The following RYR3 variants were observed in gnomAD, a reference collection of about 807,000 sequenced individuals.
The protein encoded by RYR3 is ryanodine receptor 3, also known as brain ryanodine receptor-calcium release channel.
RYR3 carries 207 observed loss-of-function variants against 584.3 expected under a neutral mutation model. The ratio of observed to expected loss-of-function variants is 0.35; its 90% CI spans 0.32 to 0.40. The LOEUF is 0.40. Among genes scored for constraint, RYR3 ranks in the 10% least tolerant of loss-of-function variants. The pLI is 1.00. For missense variants in RYR3, 5,616 were observed against 6,089.2 expected (o/e 0.92, Z 2.59); for synonymous variants, 2,416 against 2,248.5 (o/e 1.07, Z -2.11).
At chr15:33,460,602 A>G (rs1596241356) in intron 1 of RYR3, among the ~76,000 whole-genome samples, 2 of 152,222 alleles carry the variant, frequency 1.3e-5, no homozygotes, top group East Asian at 3.8e-4. Context: ...CTAGCACTGC[A>G]TGGTGTGTAA....
intron 67 of RYR3, among the ~76,000 whole-genome samples, chr15:33,794,801 C>G (rs2075494030): frequency 6.6e-6 from 1 of 152,166 alleles, no homozygotes; most frequent in Non-Finnish European, 1.5e-5. Flanking sequence ...AAAAAATTAG[C>G]TGGCTTTGAA....
At chr15:33,458,459 G>A (rs571059614) in intron 1 of RYR3, among the ~76,000 whole-genome samples, 170 of 152,294 alleles carry the variant, frequency 1.1e-3, no homozygotes, top group Non-Finnish European at 2.1e-3. Context: ...AGGCCACGTC[G>A]TGGGACTTCT....
chr15:33,658,154 C>A (rs1410839480), intron 32 of RYR3, among the ~76,000 whole-genome samples: 2 of 152,204 alleles, frequency 1.3e-5, no homozygotes, highest in Non-Finnish European at 2.9e-5. Flanking sequence ...AGTCCAGGGT[C>A]TCACAAGGAT....
At chr15:33,397,500 A>G (rs1319868355) in intron 1 of RYR3, among the ~76,000 whole-genome samples, 1 of 152,216 alleles carries the variant, frequency 6.6e-6, no homozygotes. Context: ...GTGCATGGTC[A>G]GTGGTCTCTT....
chr15:33,631,060 A>G (rs1489939036), intron 22 of RYR3, 150 bp from the exon 23 acceptor site: 3 of 560,790 alleles, frequency 5.3e-6, no homozygotes, highest in African/African-American at 3.8e-5. Flanking sequence ...AGCCTAAGGC[A>G]TTTACTCTGT....
intron 16 of RYR3, among the ~76,000 whole-genome samples, chr15:33,590,204 A>T (rs1003573723): frequency 6.6e-6 from 1 of 152,166 alleles, no homozygotes; most frequent in Admixed American, 6.5e-5. Flanking sequence ...GTGGAATGTC[A>T]TCGGTTAAGG....
chr15:33,769,575 G>T (rs12442428), intron 62 of RYR3, among the ~76,000 whole-genome samples: 1 of 151,970 alleles, frequency 6.6e-6, no homozygotes, highest in Non-Finnish European at 1.5e-5. Context: ...AGACAAAGAC[G>T]TTGATGCCAT....
At position 33,566,928 on chromosome 15, in the gene RYR3, A is replaced by T. The variant is rs555128251; in HGVS notation, c.1268+129A>T. ...TGATACACCAGCAAAGAGTTTTACCATCAAGAGCTTGAGACTGAAACATAT... is the reference window on the plus strand; with the variant it reads ...TGATACACCAGCAAAGAGTTTTACCTTCAAGAGCTTGAGACTGAAACATAT... On this transcript the variant is annotated intron_variant, in intron 12 of 103. Transcript: ENST00000634891. 8 of 1,069,282 alleles carry T rather than the reference A, an allele frequency of 7.5e-6. No homozygotes were observed. The African/African-American group carries it at 1.1e-4, about 15-fold the overall frequency. 66.2% of individuals were successfully genotyped at this position (1,069,282 alleles called of 1,614,324 possible).
At chr15:33,498,233 T>C (rs56059748) in intron 2 of RYR3, among the ~76,000 whole-genome samples, 3,203 of 152,290 alleles carry the variant, frequency 0.021, 57 homozygotes, top group Non-Finnish European at 0.031. Context: ...TGCTGGATCA[T>C]ATGGTAGTTG....
chr15:33,387,189 C>T (rs531648006), intron 1 of RYR3, among the ~76,000 whole-genome samples: 1 of 152,132 alleles, frequency 6.6e-6, no homozygotes, highest in Non-Finnish European at 1.5e-5. Flanking sequence ...GAGTAATACT[C>T]CCTTGTATGT....
At chr15:33,468,832 GA>G (rs2048691225) in intron 1 of RYR3, among the ~76,000 whole-genome samples, 1 of 152,148 alleles carries the variant, frequency 6.6e-6, no homozygotes, top group Admixed American at 6.5e-5. Flanking sequence ...AAGTCAGCTG[GA>G]AGTAGTGGTA....
chr15:33,553,689 A>G (rs1348581401), intron 10 of RYR3, among the ~76,000 whole-genome samples: 1 of 152,172 alleles, frequency 6.6e-6, no homozygotes, highest in Non-Finnish European at 1.5e-5. Context: ...AGGATGTAGT[A>G]TTACTTCCAA....
intron 1 of RYR3, among the ~76,000 whole-genome samples, chr15:33,332,393 C>T (rs1970467459): frequency 6.6e-6 from 1 of 151,992 alleles, no homozygotes; most frequent in Admixed American, 6.6e-5. Flanking sequence ...GAAATGTTAA[C>T]ACTTATCTCA....
intron 1 of RYR3, among the ~76,000 whole-genome samples, chr15:33,334,783 A>G (rs1970759457): frequency 6.6e-6 from 1 of 152,156 alleles, no homozygotes; most frequent in Non-Finnish European, 1.5e-5. Flanking sequence ...TATGCTTCTG[A>G]CAAAGGTCTA....
chr15:33,700,267 C>T (rs1202103630), intron 41 of RYR3, among the ~76,000 whole-genome samples: 1 of 152,202 alleles, frequency 6.6e-6, no homozygotes, highest in Admixed American at 6.5e-5. Flanking sequence ...GTCCATCAAC[C>T]TCCCAGCAAG....
At chr15:33,682,688 T>C (rs1360860185) in intron 38 of RYR3, among the ~76,000 whole-genome samples, 1 of 152,216 alleles carries the variant, frequency 6.6e-6, no homozygotes. Context: ...GCAACATATT[T>C]TTCTTTCTTG....
chr15:33,588,963 G>A (rs949625390), intron 16 of RYR3, among the ~76,000 whole-genome samples: 1 of 152,132 alleles, frequency 6.6e-6, no homozygotes, highest in Non-Finnish European at 1.5e-5. Context: ...TTTCCTTTGG[G>A]TAGATACCCA....
chr15:33,323,523 A>C (rs1478954540), intron 1 of RYR3, among the ~76,000 whole-genome samples: 1 of 152,030 alleles, frequency 6.6e-6, no homozygotes, highest in East Asian at 1.9e-4. Flanking sequence ...ATCCTGAAGC[A>C]GCTGCTCTTC....
At chr15:33,766,912 C>A (rs2073125918) in intron 60 of RYR3, among the ~76,000 whole-genome samples, 1 of 152,218 alleles carries the variant, frequency 6.6e-6, no homozygotes, top group African/African-American at 2.4e-5. Context: ...AAAGACGGTG[C>A]TTCCAGTTAA....
Sources: allele counts gnomAD v4.1 joint callset (sites outside exome capture counted in the v4.1 genomes callset), GRCh38; gene constraint gnomAD v4.1.1; transcripts MANE v1.5; gene names NCBI Gene and HGNC (gene_info 2026-07-23, HGNC 2026-07-21).